OTOA: variants seen among roughly 807,000 people sequenced by gnomAD.
OTOA encodes the protein otoancorin.
Under a neutral mutation model 110.8 loss-of-function variants are expected in OTOA, and 70 were observed. The observed-to-expected ratio is 0.63, with a 90% CI of 0.52 to 0.77. OTOA has a LOEUF of 0.77. Ranked by LOEUF, OTOA falls within the 30% of genes least tolerant of loss-of-function variation. The pLI is 0.00. For synonymous variants in OTOA, 373 were observed against 431.5 expected (o/e 0.86, Z 1.68); for missense variants, 917 against 1,075.8 (o/e 0.85, Z 2.06).
intron 9 of OTOA, among the ~76,000 whole-genome samples, chr16:21,696,875 C>G (rs1567373270): frequency 6.6e-6 from 1 of 151,536 alleles, no homozygotes; most frequent in African/African-American, 2.4e-5. Flanking sequence ...ACCTGCATTT[C>G]TTATTTATTT....
intron 13 of OTOA, among the ~76,000 whole-genome samples, chr16:21,712,842 G>C (rs566300920): frequency 1.3e-5 from 2 of 151,846 alleles, no homozygotes; most frequent in African/African-American, 4.8e-5. Flanking sequence ...TTTTGATTCA[G>C]GTGGTAAAAT....
chr16:21,728,714 G>A (rs1330988369), intron 20 of OTOA, among the ~76,000 whole-genome samples: 4 of 151,516 alleles, frequency 2.6e-5, no homozygotes, highest in African/African-American at 2.4e-5. Flanking sequence ...TCAGCCTCCC[G>A]AGTAGCTGGG....
intron 19 of OTOA, 142 bp from the exon 20 acceptor site, chr16:21,728,099 A>C (rs1898981291): frequency 1.9e-6 from 2 of 1,031,330 alleles, no homozygotes; most frequent in Middle Eastern, 2.0e-4. Context: ...TCCTGGCCTC[A>C]AATGATCTGT....
At chr16:21,705,875 G>T (rs1289232235) in intron 12 of OTOA, among the ~76,000 whole-genome samples, 2 of 152,076 alleles carry the variant, frequency 1.3e-5, no homozygotes, top group Non-Finnish European at 2.9e-5. Flanking sequence ...GGAGGCAGAG[G>T]TTGTGGCGAG....
intron 8 of OTOA, among the ~76,000 whole-genome samples, chr16:21,690,984 G>A (rs1303671742): frequency 9.5e-4 from 63 of 66,436 alleles, no homozygotes; most frequent in South Asian, 6.2e-3. Flanking sequence ...CCCCCCAACA[G>A]GCCCCGGTGT....
chr16:21,684,670 C>T, intron 6 of OTOA: 1 of 611,280 alleles, frequency 1.6e-6, no homozygotes, highest in Non-Finnish European at 2.7e-6. Context: ...TGTTGCCAAA[C>T]CTTTACTTTT....
At chr16:21,675,117 T>TTTCTTTC (rs1567361260) in intron 1 of OTOA, among the ~76,000 whole-genome samples, 3 of 128,932 alleles carry the variant, frequency 2.3e-5, no homozygotes, top group Non-Finnish European at 3.4e-5. Flanking sequence ...TTCTTTCTTT[T>TTTCTTTC]TCTTTCTCTC....
rs1347730327 is a variant in OTOA, at chr16:21,734,638, C to T, written c.2302-1623C>T. 6.6e-5 allele frequency among the ~76,000 whole-genome samples: 10 copies of T among 151,642 alleles called. No individual in the cohort carries two copies. In the East Asian group the frequency reaches 9.7e-4, roughly 15 times the overall value. On this transcript the variant is annotated intron_variant, in intron 21 of 28. Coordinates refer to ENST00000646100, the MANE Select transcript of OTOA (RefSeq NM_144672.4). ...GATCACGAGGTCAGGAGATTGAGACCGTCCTGGCTAAGAGGGTGAAACCCC... is the reference window on the plus strand; with the variant it reads ...GATCACGAGGTCAGGAGATTGAGACTGTCCTGGCTAAGAGGGTGAAACCCC...
At chr16:21,689,596 T>A (rs999861568) in intron 8 of OTOA, among the ~76,000 whole-genome samples, 2 of 152,208 alleles carry the variant, frequency 1.3e-5, no homozygotes, top group African/African-American at 4.8e-5. Flanking sequence ...CAGACGCAGC[T>A]GGATCCAGAG....
intron 2 of OTOA, 123 bp from the exon 3 acceptor site, chr16:21,678,792 A>G (rs1966868624): frequency 7.6e-7 from 1 of 1,319,268 alleles, no homozygotes; most frequent in Non-Finnish European, 1.1e-6. Flanking sequence ...GACAGTTATA[A>G]TTAAAATTCA....
intron 14 of OTOA, among the ~76,000 whole-genome samples, chr16:21,716,041 C>A (rs1236290727): frequency 6.6e-6 from 1 of 151,712 alleles, no homozygotes; most frequent in East Asian, 2.0e-4. Flanking sequence ...TCCCAAGTAG[C>A]TGGGACTACA....
At chr16:21,753,858 T>C (rs1365325269) in intron 27 of OTOA, among the ~76,000 whole-genome samples, 2 of 130,912 alleles carry the variant, frequency 1.5e-5, no homozygotes, top group Non-Finnish European at 3.3e-5. Flanking sequence ...GTCAGGAGTC[T>C]GAGACCAGCC....
intron 9 of OTOA, among the ~76,000 whole-genome samples, chr16:21,693,991 G>A (rs530692025): frequency 6.6e-6 from 1 of 152,292 alleles, no homozygotes; most frequent in Non-Finnish European, 1.5e-5. Context: ...CAACTATTCA[G>A]CTCTGACACT....
chr16:21,758,767 G>A (rs1275079196), intron 28 of OTOA, among the ~76,000 whole-genome samples: 3 of 151,332 alleles, frequency 2.0e-5, no homozygotes, highest in Non-Finnish European at 2.9e-5. Context: ...TTGGGAGGCC[G>A]AGGTGGGCGG....
At chr16:21,704,177 T>C (rs563784453) in intron 11 of OTOA, among the ~76,000 whole-genome samples, 1 of 152,312 alleles carries the variant, frequency 6.6e-6, no homozygotes, top group East Asian at 1.9e-4. Flanking sequence ...TGCCCTTCCA[T>C]TGTTTTCCTC....
chr16:21,738,834 T>C (rs1230913574), intron 22 of OTOA, among the ~76,000 whole-genome samples: 2 of 152,290 alleles, frequency 1.3e-5, no homozygotes, highest in South Asian at 2.1e-4. Context: ...TTGGGTGTTC[T>C]CTTGTTTTTT....
At position 21,681,792 on chromosome 16, in the gene OTOA, C is replaced by T; in HGVS notation, c.234C>T (p.Ser78=). ...LSHRVLAYLN[S]RNVAFTIPSL... is the part of the protein sequence containing the mutation. ...ACAGAGTCCTGGCCTATCTGAATTC[C>T]CGGAATGTTGCCTTCACCATCCCCA... Residue 78 remains serine (S), a synonymous_variant, in exon 6 of 29, where the codon TCC becomes TCT. Transcript: ENST00000646100. The T allele has an allele frequency of 6.2e-7, 1 of 1,614,052 alleles. No homozygotes were observed. Among genetic ancestry groups the T allele is most frequent in the Non-Finnish European group, 8.5e-7 (1 of 1,179,998 alleles).
chr16:21,760,136 G>C (rs1900122803), intron 28 of OTOA, among the ~76,000 whole-genome samples: 1 of 151,930 alleles, frequency 6.6e-6, no homozygotes, highest in South Asian at 2.1e-4. Context: ...CTTTCCTAAA[G>C]TTGCTTAATT....
intron 12 of OTOA, among the ~76,000 whole-genome samples, chr16:21,706,302 C>G (rs913192786): frequency 2.0e-5 from 3 of 152,172 alleles, no homozygotes. Context: ...CGCTGCACTT[C>G]CAACAAGCTT....
Sources: allele counts gnomAD v4.1 joint callset (sites outside exome capture counted in the v4.1 genomes callset), GRCh38; gene constraint gnomAD v4.1.1; transcripts MANE v1.5; gene names NCBI Gene and HGNC (gene_info 2026-07-23, HGNC 2026-07-21).